DNAH8: variants seen among roughly 807,000 people sequenced by gnomAD.
DNAH8 encodes the protein dynein axonemal heavy chain 8.
In DNAH8, 382 loss-of-function variants were observed where a neutral mutation model predicts 562.1. The ratio of observed to expected loss-of-function variants is 0.68; its 90% CI spans 0.63 to 0.74. The LOEUF is 0.74. DNAH8 is among the 30% of genes least tolerant of loss of function. DNAH8 has a pLI of 0.00. For synonymous variants in DNAH8, 1,881 were observed against 1,919.4 expected (o/e 0.98, Z 0.52); for missense variants, 5,203 against 5,620.4 (o/e 0.93, Z 2.37).
chr6:38,867,801 G>C (rs1451281008), intron 47 of DNAH8, among the ~76,000 whole-genome samples: 2 of 150,098 alleles, frequency 1.3e-5, no homozygotes, highest in African/African-American at 2.5e-5. Context: ...TTGTTGCTCA[G>C]ACTGTATCAG....
At position 38,896,196 on chromosome 6, in the gene DNAH8, G is replaced by C; in HGVS notation, c.8911G>C (p.Val2971Leu). ...AACTGGTGATGAACCTGAAGACTCTGTGTTTGAAGTACCCAAAATATATGA... is the reference window on the plus strand; with the variant it reads ...AACTGGTGATGAACCTGAAGACTCTCTGTTTGAAGTACCCAAAATATATGA... ...EPTGDEPEDS[V>L]FEVPKIYELM... The change falls in exon 60 of 93, where the codon GTG (valine) becomes CTG (leucine). Residue 2971 changes from valine (V) to leucine (L), a missense_variant. Val to Leu is a conservative substitution (Grantham distance 32, BLOSUM62 1). This residue lies in a region of DNAH8 where 977 missense variants were observed against 1,061.8 expected (regional missense o/e 0.92). Coordinates refer to ENST00000327475, the MANE Select transcript of DNAH8 (RefSeq NM_001206927.2). 6.2e-7 allele frequency: 1 copy of C among 1,613,796 alleles called. No homozygotes were observed. Among genetic ancestry groups the C allele is most frequent in the Non-Finnish European group, 8.5e-7 (1 of 1,179,904 alleles).
chr6:38,739,214 T>A (rs1657352725), intron 7 of DNAH8, among the ~76,000 whole-genome samples: 1 of 152,168 alleles, frequency 6.6e-6, no homozygotes, highest in Admixed American at 6.5e-5. Flanking sequence ...TTGGTCCCCA[T>A]TGTGTCATGT....
rs551774549 is a variant in DNAH8, at chr6:38,859,735, G to T, written c.5959-722G>T. On this transcript the variant is annotated intron_variant, in intron 42 of 92. Coordinates refer to ENST00000327475, the MANE Select transcript of DNAH8 (RefSeq NM_001206927.2). ...AGAGCTTGCATCCATGGCTATGAGA[G>T]CCCAGTACCTCTTGCCTCACTTGTA... Among the ~76,000 whole-genome samples the T allele has an allele frequency of 1.2e-4, 19 of 152,332 alleles. 1 individual carries two copies. The South Asian group carries it at 3.9e-3, about 32-fold the overall frequency.
chr6:39,026,546 G>T lies in DNAH8; in HGVS notation c.13715G>T (p.Gly4572Val). 1 of 1,600,314 alleles carries T rather than the reference G, an allele frequency of 6.2e-7. No homozygotes were observed. The highest frequency in any genetic ancestry group is 8.5e-7 in the Non-Finnish European group (1 of 1,175,364). The change falls in exon 92 of 93, where the codon GGC becomes GTC. Residue 4572 changes from glycine to valine, a missense_variant and splice_region_variant. By Grantham distance (109) the Gly-to-Val change is moderately radical. Transcript: ENST00000327475. ...AACATCTCTTCTTTTTTTCTTTAAG[G>T]CTTCCTCACAGCAATGAGGCAAGAA... Reference protein sequence around the residue: ...FWMTGFFNPQGFLTAMRQEVT... With the variant: ...FWMTGFFNPQVFLTAMRQEVT...
In DNAH8 at chr6:38,950,920, C is replaced by T. The variant is rs554204841; in HGVS notation, c.12249-398C>T. On this transcript the variant is annotated intron_variant, in intron 81 of 92. Coordinates refer to ENST00000327475, the MANE Select transcript of DNAH8 (RefSeq NM_001206927.2). Reference sequence around the variant, plus strand: ...ATCCAATGTGTCTGTGTGTGTAGAACTTGCTATGGTGTGCACTACACAAAT... The same window carrying T: ...ATCCAATGTGTCTGTGTGTGTAGAATTTGCTATGGTGTGCACTACACAAAT... 2.6e-5 allele frequency among the ~76,000 whole-genome samples: 4 copies of T among 151,834 alleles called. 1 individual carries two copies. The highest frequency in any genetic ancestry group is 2.1e-4 in the South Asian group (1 of 4,796).
At chr6:38,775,412 T>A (rs780439266) in intron 12 of DNAH8, among the ~76,000 whole-genome samples, 1 of 152,218 alleles carries the variant, frequency 6.6e-6, no homozygotes, top group Non-Finnish European at 1.5e-5. Flanking sequence ...TTGAGTCCAG[T>A]AATCCAGTGA....
At chr6:38,785,347 G>T (rs549601978) in intron 17 of DNAH8, among the ~76,000 whole-genome samples, 1 of 152,242 alleles carries the variant, frequency 6.6e-6, no homozygotes, top group African/African-American at 2.4e-5. Flanking sequence ...CACATACGAT[G>T]AAATGCTTGT....
intron 88 of DNAH8, among the ~76,000 whole-genome samples, chr6:38,998,400 A>G (rs1029903579): frequency 1.3e-5 from 2 of 152,248 alleles, no homozygotes; most frequent in Non-Finnish European, 2.9e-5. Context: ...TTCAATGTCA[A>G]AAATGGTTGC....
intron 41 of DNAH8, among the ~76,000 whole-genome samples, chr6:38,854,479 A>G (rs1776024756): frequency 6.6e-6 from 1 of 152,212 alleles, no homozygotes. Flanking sequence ...TGTATCATTT[A>G]TTCAAACCAC....
intron 60 of DNAH8, among the ~76,000 whole-genome samples, chr6:38,896,606 C>CAA (rs1351874305): frequency 6.8e-6 from 1 of 146,598 alleles, no homozygotes; most frequent in Non-Finnish European, 1.5e-5. Context: ...AACAAACAAA[C>CAA]AAAAAAACAA....
chr6:38,982,364 C>A lies in DNAH8; in HGVS notation c.12853C>A (p.Pro4285Thr). 1 of 1,600,190 alleles carries A rather than the reference C, an allele frequency of 6.2e-7. No homozygotes were observed. Among genetic ancestry groups the A allele is most frequent in the Non-Finnish European group, 8.6e-7 (1 of 1,168,912 alleles). ...TTTTAAGGAGCGACGAAAATTTGGC[C>A]CCTTAGGATGGAATATTCCCTACGA... The part of the protein sequence containing the change: ...STVQERRKFG[P>T]LGWNIPYEFN... Residue 4285 changes from proline (P) to threonine (T), a missense_variant, in exon 86 of 93, where the codon CCC becomes ACC. Pro to Thr is a conservative substitution (Grantham distance 38). Coordinates refer to ENST00000327475, the MANE Select transcript of DNAH8 (RefSeq NM_001206927.2).
At chr6:38,794,133 C>T (rs1770009482) in intron 21 of DNAH8, among the ~76,000 whole-genome samples, 1 of 152,120 alleles carries the variant, frequency 6.6e-6, no homozygotes, top group South Asian at 2.1e-4. Flanking sequence ...GTTGTAAATT[C>T]CCAAGGGAGA....
rs767288158 is a variant in DNAH8, at chr6:38,917,989, A to C, written c.10373A>C (p.Glu3458Ala). 6.2e-7 allele frequency: 1 copy of C among 1,613,862 alleles called. No homozygotes were observed. The highest frequency in any genetic ancestry group is 1.1e-5 in the South Asian group (1 of 91,068). ...TTCCCTAAGGACACTATAAATGAAGAGACTGTTGAGTTACTACAGCCATAT... is the reference window on the plus strand; with the variant it reads ...TTCCCTAAGGACACTATAAATGAAGCGACTGTTGAGTTACTACAGCCATAT... ...QQFPKDTINEETVELLQPYFN... is the reference protein window; with the variant it reads ...QQFPKDTINEATVELLQPYFN... The change falls in exon 70 of 93, where the codon GAG becomes GCG. Residue 3458 changes from glutamate to alanine, a missense_variant. By Grantham distance (107) the Glu-to-Ala change is moderately radical. Coordinates refer to ENST00000327475, the MANE Select transcript of DNAH8 (RefSeq NM_001206927.2).
intron 33 of DNAH8, among the ~76,000 whole-genome samples, chr6:38,841,062 G>A (rs1021713611): frequency 5.3e-5 from 8 of 152,102 alleles, no homozygotes; most frequent in Admixed American, 5.2e-4. Flanking sequence ...GAAAAAATAG[G>A]ACAACTAAGA....
At chr6:38,726,301 T>TG (rs1003778288) in intron 3 of DNAH8, among the ~76,000 whole-genome samples, 23 of 152,136 alleles carry the variant, frequency 1.5e-4, no homozygotes, top group African/African-American at 5.3e-4. Flanking sequence ...AACTAAGATG[T>TG]GGGGGGGAGA....
At chr6:38,769,283 A>G (rs1380356167) in intron 11 of DNAH8, among the ~76,000 whole-genome samples, 2 of 152,312 alleles carry the variant, frequency 1.3e-5, no homozygotes, top group East Asian at 1.9e-4. Flanking sequence ...GGTTTGTTAC[A>G]TAGGTATACA....
intron 39 of DNAH8, 31 bp downstream of exon 39, chr6:38,851,705 C>A: frequency 7.2e-7 from 1 of 1,394,912 alleles, no homozygotes; most frequent in Non-Finnish European, 1.0e-6. Flanking sequence ...ATCTAACTTG[C>A]TTTTCCCACG....
chr6:38,868,338 TC>T, intron 48 of DNAH8, 142 bp downstream of exon 48: 1 of 826,872 alleles, frequency 1.2e-6, no homozygotes, highest in Non-Finnish European at 1.8e-6. Flanking sequence ...CCACTGTGCT[TC>T]CAGAAGAAAG....
At chr6:38,807,746 G>A (rs1771416824) in intron 24 of DNAH8, 30 bp downstream of exon 24, 1 of 1,278,588 alleles carries the variant, frequency 7.8e-7, no homozygotes, top group East Asian at 2.5e-5. Context: ...ATTATGTCTG[G>A]TAATCATACT....
Sources: allele counts gnomAD v4.1 joint callset (sites outside exome capture counted in the v4.1 genomes callset), GRCh38; gene constraint gnomAD v4.1.1; regional missense constraint gnomAD v4.1.1; transcripts MANE v1.5; gene names NCBI Gene and HGNC (gene_info 2026-07-23, HGNC 2026-07-21).